Variants in DCC observed in about 807,000 individuals in gnomAD.
DCC encodes the protein DCC netrin 1 receptor.
A neutral mutation model predicts 172.5 loss-of-function variants in DCC; 58 were observed. The observed-to-expected ratio is 0.34, with a 90% confidence interval of 0.27 to 0.42. The LOEUF (loss-of-function observed/expected upper bound fraction) is 0.42. Ranked by LOEUF, DCC falls within the 10% of genes least tolerant of loss-of-function variation. DCC has a pLI of 1.00. For missense variants in DCC, 1,740 were observed against 1,791.0 expected, an observed-to-expected ratio of 0.97 and a Z score of 0.51; for synonymous variants, 709 against 644.5, an observed-to-expected ratio of 1.10 and a Z score of -1.52.
intron 2 of DCC, among the ~76,000 whole-genome samples, chr18:52,828,536 T>G (rs7230693): frequency 0.5 from 75,582 of 151,664 alleles, 21,391 homozygotes; most frequent in African/African-American, 0.77. Context: ...CAGTAGCCAG[T>G]GTGTAATCTT....
intron 1 of DCC, among the ~76,000 whole-genome samples, chr18:52,463,049 G>A (rs1230774878): frequency 2.0e-5 from 3 of 152,144 alleles, no homozygotes; most frequent in Admixed American, 1.3e-4. Flanking sequence ...TACTCAGCAT[G>A]CAGTAATTGT....
In DCC at chr18:53,097,340, T is replaced by A. The variant is rs115540331; in HGVS notation, c.1261+31174T>A. Among the ~76,000 whole-genome samples the A allele has an allele frequency of 6.8e-3, 1,031 of 152,314 alleles. 15 individuals are homozygous for A. Among genetic ancestry groups the A allele is most frequent in the African/African-American group, 0.023 (964 of 41,580 alleles). ...GTCTGGGACACCTAGGCCATTATCC[T>A]GCTAACACTACATCCTGTTGCCACC... On this transcript the variant is annotated intron_variant, in intron 7 of 28. Transcript: ENST00000442544.
intron 2 of DCC, among the ~76,000 whole-genome samples, chr18:52,753,246 G>A (rs997961095): frequency 2.0e-5 from 3 of 151,914 alleles, no homozygotes; most frequent in African/African-American, 4.8e-5. Context: ...CACCAACAAC[G>A]CACATTTTTA....
chr18:53,284,687 A>G (rs2056915674), intron 12 of DCC, among the ~76,000 whole-genome samples: 1 of 152,214 alleles, frequency 6.6e-6, no homozygotes, highest in African/African-American at 2.4e-5. Flanking sequence ...TGTGGAAGCA[A>G]CTTTGGAACT....
chr18:53,428,770 T>C (rs182296535), intron 21 of DCC, among the ~76,000 whole-genome samples: 604 of 48,062 alleles, frequency 0.013, 10 homozygotes, highest in African/African-American at 0.045. Context: ...AAATTATATA[T>C]TATATATTTT....
At chr18:53,195,070 T>C (rs2055423810) in intron 9 of DCC, among the ~76,000 whole-genome samples, 2 of 152,162 alleles carry the variant, frequency 1.3e-5, no homozygotes, top group Non-Finnish European at 2.9e-5. Flanking sequence ...GATACAGAAA[T>C]AATGAATACC....
chr18:52,749,243 A>C (rs2036958244), intron 1 of DCC, among the ~76,000 whole-genome samples: 2 of 152,184 alleles, frequency 1.3e-5, no homozygotes, highest in Non-Finnish European at 2.9e-5. Flanking sequence ...ATCAGGAAAG[A>C]ACAGGCAAAC....
At chr18:53,191,655 C>A (rs1036790231) in intron 9 of DCC, among the ~76,000 whole-genome samples, 1 of 152,114 alleles carries the variant, frequency 6.6e-6, no homozygotes, top group Non-Finnish European at 1.5e-5. Flanking sequence ...ATTGAGTTTT[C>A]GAGTTACCAA....
intron 8 of DCC, among the ~76,000 whole-genome samples, chr18:53,178,290 A>G (rs1568348763): frequency 6.6e-6 from 1 of 152,254 alleles, no homozygotes; most frequent in Non-Finnish European, 1.5e-5. Context: ...AGATTAATTC[A>G]TTAGTTTGCA....
chr18:52,937,755 A>C (rs565285975), intron 5 of DCC, among the ~76,000 whole-genome samples: 1 of 152,112 alleles, frequency 6.6e-6, no homozygotes. Flanking sequence ...TGCTGGGATT[A>C]CAGGCATGAG....
chr18:52,612,473 C>G (rs1172224516), intron 1 of DCC, among the ~76,000 whole-genome samples: 1 of 147,298 alleles, frequency 6.8e-6, no homozygotes, highest in African/African-American at 2.5e-5. Flanking sequence ...ATTTTTAGTA[C>G]AAAACTGGCC....
chr18:52,497,667 A>G (rs959356027), intron 1 of DCC, among the ~76,000 whole-genome samples: 20 of 152,106 alleles, frequency 1.3e-4, no homozygotes, highest in Non-Finnish European at 1.3e-4. Flanking sequence ...GTAATCGACA[A>G]GATCATTAAG....
chr18:52,879,188 T>A (rs905920309), intron 2 of DCC, among the ~76,000 whole-genome samples: 1 of 152,162 alleles, frequency 6.6e-6, no homozygotes, highest in Non-Finnish European at 1.5e-5. Flanking sequence ...AGCTCTTTCA[T>A]AAACCTTTGC....
intron 7 of DCC, among the ~76,000 whole-genome samples, chr18:53,068,106 T>C (rs1268651208): frequency 6.6e-6 from 1 of 152,226 alleles, no homozygotes; most frequent in Admixed American, 6.5e-5. Context: ...GTTTCTCTGA[T>C]GGACTTCTTT....
At chr18:52,611,138 C>A (rs569650440) in intron 1 of DCC, among the ~76,000 whole-genome samples, 7 of 152,136 alleles carry the variant, frequency 4.6e-5, no homozygotes, top group Admixed American at 2.0e-4. Context: ...AGTGACCCCC[C>A]CCTCCTGACA....
At chr18:53,413,841 C>T (rs954921867) in intron 20 of DCC, among the ~76,000 whole-genome samples, 1 of 152,114 alleles carries the variant, frequency 6.6e-6, no homozygotes, top group Non-Finnish European at 1.5e-5. Flanking sequence ...TGGGTGGGCA[C>T]TTATGACCTT....
chr18:53,327,334 A>G (rs1202319549), intron 14 of DCC, among the ~76,000 whole-genome samples: 1 of 152,144 alleles, frequency 6.6e-6, no homozygotes. Context: ...CAAGATCATT[A>G]GAATTCCCTA....
At chr18:52,866,339 T>C (rs188673603) in intron 2 of DCC, among the ~76,000 whole-genome samples, 321 of 152,310 alleles carry the variant, frequency 2.1e-3, no homozygotes, top group Non-Finnish European at 3.5e-3. Flanking sequence ...GTCTCCAGCT[T>C]TGTTCCTTTT....
intron 1 of DCC, among the ~76,000 whole-genome samples, chr18:52,716,268 G>A (rs2036382315): frequency 6.6e-6 from 1 of 152,228 alleles, no homozygotes; most frequent in Non-Finnish European, 1.5e-5. Flanking sequence ...CACGTTGGCG[G>A]TTTTCTGGGC....
Sources: allele counts gnomAD v4.1 joint callset (sites outside exome capture counted in the v4.1 genomes callset), GRCh38; gene constraint gnomAD v4.1.1; transcripts MANE v1.5; gene names NCBI Gene and HGNC (gene_info 2026-07-23, HGNC 2026-07-21).